KNTC1: variants seen among roughly 807,000 people sequenced by gnomAD.
KNTC1 encodes kinetochore-associated protein 1.
Under a neutral mutation model 314.4 loss-of-function variants are expected in KNTC1, and 253 were observed. The observed-to-expected ratio is 0.80, with a 90% CI of 0.73 to 0.89. The LOEUF (loss-of-function observed/expected upper bound fraction) is 0.89. Ranked by LOEUF, KNTC1 falls within the 40% of genes least tolerant of loss-of-function variation. The pLI is 0.00. For synonymous variants in KNTC1, 901 were observed against 901.4 expected (o/e 1.00, Z 0.01); for missense variants, 2,475 against 2,572.9 (o/e 0.96, Z 0.82).
At chr12:122,598,067 T>G in intron 44 of KNTC1, 129 bp downstream of exon 44, 1 of 694,072 alleles carries the variant, frequency 1.4e-6, no homozygotes. Flanking sequence ...AATATTCTCT[T>G]GATTTCTATA....
intron 20 of KNTC1, among the ~76,000 whole-genome samples, chr12:122,566,815 G>T (rs1964380250): frequency 7.6e-6 from 1 of 131,562 alleles, no homozygotes; most frequent in Non-Finnish European, 1.5e-5. Flanking sequence ...AGGCTGGAGT[G>T]CAGTGGCATG....
chr12:122,543,715 G>A, intron 7 of KNTC1, 81 bp downstream of exon 7: 1 of 793,662 alleles, frequency 1.3e-6, no homozygotes. Context: ...TATATAATTG[G>A]TCTACTTCTT....
At chr12:122,594,553 C>T (rs1313958337) in intron 43 of KNTC1, among the ~76,000 whole-genome samples, 168 bp downstream of exon 43, 2 of 152,188 alleles carry the variant, frequency 1.3e-5, no homozygotes, top group Non-Finnish European at 2.9e-5. Flanking sequence ...TCTTATGATA[C>T]CACCATTTAA....
At chr12:122,536,665 G>A (rs566617047) in intron 3 of KNTC1, among the ~76,000 whole-genome samples, 5 of 151,680 alleles carry the variant, frequency 3.3e-5, no homozygotes, top group South Asian at 4.2e-4. Context: ...GAGTACAGGC[G>A]CCTGCCACCA....
In KNTC1 at chr12:122,544,252, G is replaced by C. The variant is rs376295165; in HGVS notation, c.652G>C (p.Val218Leu). Residue 218 changes from valine to leucine, a missense_variant, in exon 8 of 64, where the codon GTT (valine) becomes CTT (leucine). Physicochemically the swap from Val to Leu is conservative, Grantham distance 32. Transcript: ENST00000333479. ...TGTGGCTGGAGATTTAGCAAGTGAA[G>C]TTCCTGTGATAATTGGGGTAATTGT... ...SLVAGDLASE[V>L]PVIIGGTGNC... The C allele has an allele frequency of 1.3e-6, 2 of 1,559,720 alleles. No individual in the cohort carries two copies. Among genetic ancestry groups the C allele is most frequent in the East Asian group, 4.6e-5 (2 of 43,566 alleles).
Position 122,547,503 on chromosome 12 carries a change from A to T in KNTC1, c.905A>T (p.Glu302Val), listed in dbSNP as rs1432564137. 2 of 1,609,870 alleles carry T rather than the reference A, an allele frequency of 1.2e-6. No individual in the cohort carries two copies. The highest frequency in any genetic ancestry group is 2.7e-5 in the African/African-American group (2 of 74,880). The change falls in exon 11 of 64, where the codon GAA (glutamate) becomes GTA (valine). Residue 302 changes from glutamate to valine, a missense_variant. Physicochemically the swap from Glu to Val is moderately radical, Grantham distance 121. Coordinates refer to ENST00000333479, the MANE Select transcript of KNTC1 (RefSeq NM_014708.6). The part of the protein sequence containing the change: ...LHVEEFLLTT[E>V]ADSPSSVTWQ... ...GTAGAAGAGTTTCTTCTTACTACAGAAGCAGACTCTCCTTCATCAGTCACG... is the reference window on the plus strand; with the variant it reads ...GTAGAAGAGTTTCTTCTTACTACAGTAGCAGACTCTCCTTCATCAGTCACG...
chr12:122,616,012 C>G (rs1018554194), intron 57 of KNTC1, among the ~76,000 whole-genome samples: 4 of 152,124 alleles, frequency 2.6e-5, no homozygotes, highest in African/African-American at 9.7e-5. Flanking sequence ...TGGACTGCCC[C>G]TCACAGACTT....
chr12:122,598,421 C>CT (rs11395342), intron 44 of KNTC1, among the ~76,000 whole-genome samples: 40,666 of 123,678 alleles, frequency 0.33, 8,005 homozygotes, highest in African/African-American at 0.5. Flanking sequence ...TTTTTCTTTT[C>CT]TTTTTTTTTT....
chr12:122,620,504 C>G lies in KNTC1; in HGVS notation c.6175C>G (p.Leu2059Val), dbSNP rs757199881. 1.9e-6 allele frequency: 3 copies of G among 1,613,224 alleles called. No individual in the cohort carries two copies. In the South Asian group the frequency reaches 3.3e-5, roughly 18 times the overall value. ...LECPVSGDLD[L>V]IGVARQYIQL... ...ATGTCCAGTCTCAGGTGATCTTGAC[C>G]TGATCGGAGTCGCCAGGCAGTATAT... The change falls in exon 60 of 64, where the codon CTG becomes GTG. Residue 2059 changes from leucine to valine, a missense_variant. Physicochemically the swap from Leu to Val is conservative, Grantham distance 32 (BLOSUM62 1). Transcript: ENST00000333479.
chr12:122,617,564 T>C (rs899595460), intron 57 of KNTC1: 2 of 214,064 alleles, frequency 9.3e-6, no homozygotes, highest in African/African-American at 4.7e-5. Context: ...TTCTTTCTCT[T>C]GTCCCCTTCC....
chr12:122,534,552 A>AATTGATTTTTCTATTAATTGATAGAGGG, intron 2 of KNTC1, 112 bp from the exon 3 acceptor site: 1 of 994,434 alleles, frequency 1.0e-6, no homozygotes, highest in South Asian at 1.6e-5. Flanking sequence ...AAAGAAAAAA[A>AATTGATTTTTCTATTAATTGATAGAGGG]GCCTGTCAAG....
At chr12:122,605,549 T>C in intron 51 of KNTC1, 134 bp downstream of exon 51, 1 of 538,580 alleles carries the variant, frequency 1.9e-6, no homozygotes, top group South Asian at 3.1e-5. Flanking sequence ...GAAGTTTCTT[T>C]GTTTGTTTTG....
Position 122,618,269 on chromosome 12 carries a change from G to T in KNTC1, c.6031-74G>T, listed in dbSNP as rs1873985707. On this transcript the variant is annotated intron_variant, in intron 57 of 63. Transcript: ENST00000333479. ...TTATAGGTGTGAGCCACCGCGCCTG[G>T]CCTAGACTGCAAATTAAAGAGAGTT... 2.2e-6 allele frequency: 3 copies of T among 1,353,368 alleles called. No individual in the cohort carries two copies. In the Admixed American group the frequency reaches 5.6e-5, roughly 25 times the overall value. 83.8% of individuals were successfully genotyped at this position (1,353,368 alleles called of 1,614,324 possible).
chr12:122,557,804 T>TA (rs1963701573), intron 18 of KNTC1, 115 bp downstream of exon 18: 2 of 702,178 alleles, frequency 2.8e-6, no homozygotes, highest in South Asian at 2.0e-5. Context: ...GTATTATTAA[T>TA]AAAAAAGTTT....
chr12:122,544,242 A>G lies in KNTC1; in HGVS notation c.642A>G (p.Leu214=). 1.3e-6 allele frequency: 2 copies of G among 1,577,672 alleles called. No individual in the cohort carries two copies. The highest frequency in any genetic ancestry group is 4.6e-5 in the East Asian group (2 of 43,694). The change falls in exon 8 of 64, where the codon TTA becomes TTG. Residue 214 remains leucine, a synonymous_variant. Coordinates refer to ENST00000333479, the MANE Select transcript of KNTC1 (RefSeq NM_014708.6). ...GTCTCAGTCTTGTGGCTGGAGATTTAGCAAGTGAAGTTCCTGTGATAATTG... is the reference window on the plus strand; with the variant it reads ...GTCTCAGTCTTGTGGCTGGAGATTTGGCAAGTGAAGTTCCTGTGATAATTG... ...LGCLSLVAGD[L]ASEVPVIIGG...
intron 27 of KNTC1, among the ~76,000 whole-genome samples, chr12:122,575,158 G>A (rs1455767294): frequency 6.6e-6 from 1 of 152,134 alleles, no homozygotes; most frequent in Non-Finnish European, 1.5e-5. Flanking sequence ...CTACTTGGGA[G>A]CCTGAGGTGG....
At position 122,604,630 on chromosome 12, in the gene KNTC1, C is replaced by T. The variant is rs777086152; in HGVS notation, c.5168C>T (p.Pro1723Leu). 5 of 1,595,192 alleles carry T rather than the reference C, an allele frequency of 3.1e-6. No homozygotes were observed. In the South Asian group the frequency reaches 3.3e-5, roughly 11 times the overall value. ...YLAERWLQNI[P>L]SQDEKREKAE... Reference sequence around the variant, plus strand: ...GCTGAGAGATGGCTACAGAATATCCCATCGCAGGTGTGTCTGAACTATCAG... The same window carrying T: ...GCTGAGAGATGGCTACAGAATATCCTATCGCAGGTGTGTCTGAACTATCAG... The change falls in exon 49 of 64, where the codon CCA (proline) becomes CTA (leucine). Residue 1723 changes from proline (P) to leucine (L), a missense_variant. Pro to Leu is a moderately conservative substitution (Grantham distance 98). Transcript: ENST00000333479.
chr12:122,585,876 C>T (rs1027664462), intron 37 of KNTC1, 102 bp downstream of exon 37: 14 of 1,053,390 alleles, frequency 1.3e-5, no homozygotes, highest in Non-Finnish European at 1.9e-5. Flanking sequence ...TGTGGGCGAA[C>T]CTTATAAGCG....
Position 122,551,691 on chromosome 12 carries a change from GT to G in KNTC1, c.1269del (p.Glu424SerfsTer17), listed in dbSNP as rs776443033. ...ESFAIQFGLD[V>X]ELVYKVKSNH... ...TTTTGCCATTCAGTTTGGACTAGAT[GT>G]TGAGGTAATCATTCATGTATTCATT... On this transcript the variant is annotated frameshift_variant, in exon 16 of 64. Transcript: ENST00000333479. LOFTEE classifies it high-confidence loss of function. 6.2e-7 allele frequency: 1 copy of G among 1,611,072 alleles called. No homozygotes were observed. The highest frequency in any genetic ancestry group is 1.1e-5 in the South Asian group (1 of 91,000).
Sources: allele counts gnomAD v4.1 joint callset (sites outside exome capture counted in the v4.1 genomes callset), GRCh38; gene constraint gnomAD v4.1.1; transcripts MANE v1.5; gene names NCBI Gene and HGNC (gene_info 2026-07-23, HGNC 2026-07-21).